The following NFS1 variants were observed in gnomAD, a reference collection of about 807,000 sequenced individuals.
NFS1 encodes the protein NFS1 cysteine desulfurase.
In NFS1, 26 loss-of-function variants were observed where a neutral mutation model predicts 57.3. The ratio of observed to expected loss-of-function variants is 0.45; its 90% confidence interval spans 0.33 to 0.63. The LOEUF is 0.63. Ranked by LOEUF, NFS1 falls within the 20% of genes least tolerant of loss-of-function variation. The pLI is 0.02. For synonymous variants in NFS1, 209 were observed against 216.3 expected, an observed-to-expected ratio of 0.97 and a Z score of 0.30; for missense variants, 505 against 605.8, an observed-to-expected ratio of 0.83 and a Z score of 1.75.
At chr20:35,689,801 G>A (rs548844843) in intron 5 of NFS1, among the ~76,000 whole-genome samples, 272 of 150,008 alleles carry the variant, frequency 1.8e-3, no homozygotes, top group Middle Eastern at 3.5e-3. Flanking sequence ...AGCCAGGTGT[G>A]GTGGCACGTG....
intron 11 of NFS1, among the ~76,000 whole-genome samples, chr20:35,673,049 A>C (rs1459546739): frequency 6.6e-6 from 1 of 152,152 alleles, no homozygotes; most frequent in Non-Finnish European, 1.5e-5. Flanking sequence ...ACAGTTTGGG[A>C]GGCCAAGGTG....
At chr20:35,677,331 G>T (rs2034769658) in intron 7 of NFS1, among the ~76,000 whole-genome samples, 1 of 151,930 alleles carries the variant, frequency 6.6e-6, no homozygotes, top group Admixed American at 6.6e-5. Context: ...CAGAAGTTTG[G>T]GACCAGCCTG....
intron 5 of NFS1, among the ~76,000 whole-genome samples, chr20:35,689,259 G>A (rs1328147814): frequency 6.6e-6 from 1 of 151,972 alleles, no homozygotes; most frequent in Non-Finnish European, 1.5e-5. Flanking sequence ...AGTCCGAGAT[G>A]GGTGGATCAC....
At chr20:35,693,050 G>A (rs1401556854) in intron 4 of NFS1, among the ~76,000 whole-genome samples, 2 of 151,938 alleles carry the variant, frequency 1.3e-5, no homozygotes, top group Admixed American at 6.6e-5. Flanking sequence ...AACAGGATCA[G>A]GGACTGGGGT....
At chr20:35,674,988 A>G in intron 8 of NFS1, 57 bp downstream of exon 8, 1 of 1,606,694 alleles carries the variant, frequency 6.2e-7, no homozygotes, top group Non-Finnish European at 8.5e-7. Flanking sequence ...AGAAGCCTCT[A>G]AATAGGAGAC....
Position 35,669,545 on chromosome 20 carries a change from G to T in NFS1, c.*77C>A, listed in dbSNP as rs1304725091. On this transcript the variant is annotated 3_prime_UTR_variant, in exon 13 of 13. Transcript: ENST00000374092. ...TACCAATCTAGAGCATCCACTAGGT[G>T]TAACAAGGTGTCTGGTTGTGCACGG... The T allele has an allele frequency of 3.1e-6, 4 of 1,301,438 alleles. No homozygotes were observed. The highest frequency in any genetic ancestry group is 4.5e-6 in the Non-Finnish European group (4 of 895,658). The allele number at this position is 1,301,438 out of a possible 1,614,324, so 80.6% of individuals were successfully genotyped here.
At chr20:35,690,392 C>T (rs1201989796) in intron 5 of NFS1, 21 bp downstream of exon 5, 1 of 1,603,738 alleles carries the variant, frequency 6.2e-7, no homozygotes, top group Admixed American at 1.7e-5. Flanking sequence ...TTTTGCTCCT[C>T]CTGCCAATAG....
intron 7 of NFS1, 22 bp from the exon 8 acceptor site, chr20:35,675,224 A>C: frequency 6.4e-7 from 1 of 1,573,282 alleles, no homozygotes; most frequent in African/African-American, 1.4e-5. Flanking sequence ...AATTTGTTAC[A>C]AAAAACAGAA....
chr20:35,684,315 G>A (rs1318519270), intron 5 of NFS1, among the ~76,000 whole-genome samples: 2 of 151,828 alleles, frequency 1.3e-5, no homozygotes, highest in Non-Finnish European at 2.9e-5. Flanking sequence ...GGCTGAGGCA[G>A]GAGAATGGCG....
At chr20:35,695,545 A>G (rs1418347318) in intron 4 of NFS1, among the ~76,000 whole-genome samples, 3 of 152,218 alleles carry the variant, frequency 2.0e-5, no homozygotes, top group African/African-American at 7.2e-5. Flanking sequence ...TCTTCTATGT[A>G]CCCAGGACAA....
At chr20:35,673,793 G>C in intron 10 of NFS1, 109 bp from the exon 11 acceptor site, 2 of 752,490 alleles carry the variant, frequency 2.7e-6, no homozygotes, top group South Asian at 3.3e-5. Flanking sequence ...ATACCCTGGA[G>C]AAAACAAGAG....
intron 12 of NFS1, 22 bp downstream of exon 12, chr20:35,672,733 G>GTCTC: frequency 6.5e-7 from 1 of 1,530,712 alleles, no homozygotes; most frequent in East Asian, 2.2e-5. Context: ...CTTCCAAAGC[G>GTCTC]TCTCTGATAC....
intron 10 of NFS1, 163 bp downstream of exon 10, chr20:35,674,187 C>G: frequency 1.6e-6 from 1 of 644,318 alleles, no homozygotes; most frequent in Non-Finnish European, 2.8e-6. Flanking sequence ...TCAGTCTGTA[C>G]CCAGCTACCC....
chr20:35,674,211 AAG>A, intron 10 of NFS1, 137 bp downstream of exon 10: 2 of 737,566 alleles, frequency 2.7e-6, no homozygotes, highest in Non-Finnish European at 4.7e-6. Flanking sequence ...CAACCAAAAA[AAG>A]AGAGGCACTT....
At position 35,699,061 on chromosome 20, in the gene NFS1, G is replaced by C; in HGVS notation, c.97+131C>G. On this transcript the variant is annotated intron_variant, in intron 1 of 12. Transcript: ENST00000374092. This position sits in a 1 kb window ranked among gnomAD's most constrained non-coding sequence, Gnocchi z 4.4. ...GGGACCCGCCTAAGAAAGTTTGAGG[G>C]ATGTGTCATTTGAGAGAAGGGTCAG... 1 of 1,323,416 alleles carries C rather than the reference G, an allele frequency of 7.6e-7. No individual in the cohort carries two copies. Among genetic ancestry groups the C allele is most frequent in the East Asian group, 3.1e-5 (1 of 31,930 alleles). 82.0% of individuals were successfully genotyped at this position (1,323,416 alleles called of 1,614,324 possible).
In NFS1 at chr20:35,674,454, G is replaced by C. The variant is rs781550284; in HGVS notation, c.1055-23C>G. The C allele has an allele frequency of 5.0e-5, 80 of 1,612,560 alleles. No homozygotes were observed. The East Asian group carries it at 1.6e-3, about 32-fold the overall frequency. On this transcript the variant is annotated intron_variant, in intron 9 of 12. Transcript: ENST00000374092. ...AGCCTGGAGGAAAGAAATACTGTGAGAGAGGTCTCAGAGTCTCAGCCTCTA... is the reference window on the plus strand; with the variant it reads ...AGCCTGGAGGAAAGAAATACTGTGACAGAGGTCTCAGAGTCTCAGCCTCTA...
intron 12 of NFS1, among the ~76,000 whole-genome samples, chr20:35,671,587 C>A (rs1199854189): frequency 4.7e-5 from 7 of 149,300 alleles, no homozygotes; most frequent in Admixed American, 4.7e-4. Context: ...TAATAATAAT[C>A]ATAATGAACA....
At chr20:35,698,428 C>A in intron 2 of NFS1, 53 bp downstream of exon 2, 1 of 1,298,940 alleles carries the variant, frequency 7.7e-7, no homozygotes, top group South Asian at 1.3e-5. Context: ...TTTGCGTGAT[C>A]ACGCCCATCA....
At chr20:35,696,274 G>A in intron 4 of NFS1, 103 bp downstream of exon 4, 3 of 781,436 alleles carry the variant, frequency 3.8e-6, no homozygotes, top group Admixed American at 1.9e-5. Flanking sequence ...CAATGGGGTG[G>A]GGATGGATGG....
Sources: gnomAD v4.1 joint callset for allele counts (sites outside exome capture counted in the v4.1 genomes callset) on GRCh38, gnomAD v4.1.1 for gene constraint, Gnocchi (gnomAD v3.1) non-coding constraint, MANE v1.5 for transcripts, NCBI Gene and HGNC (gene_info 2026-07-23, HGNC 2026-07-21) for gene names.